The following PCDHA10 variants were observed in gnomAD, a reference collection of about 807,000 sequenced individuals.
The protein encoded by PCDHA10 is protocadherin alpha-10.
PCDHA10 carries 45 observed loss-of-function variants against 61.2 expected under a neutral mutation model. The observed-to-expected ratio is 0.74, with a 90% CI of 0.58 to 0.94. The LOEUF is 0.94. Ranked by LOEUF, PCDHA10 falls within the 40% of genes least tolerant of loss-of-function variation. The pLI, the probability that PCDHA10 is intolerant of heterozygous loss-of-function variation, is 0.00. For synonymous variants in PCDHA10, 602 were observed against 548.8 expected, an observed-to-expected ratio of 1.10 and a Z score of -1.35; for missense variants, 1,278 against 1,236.2, an observed-to-expected ratio of 1.03 and a Z score of -0.51.
chr5:140,915,606 C>A (rs2077190807), intron 1 of PCDHA10, among the ~76,000 whole-genome samples: 1 of 150,452 alleles, frequency 6.6e-6, no homozygotes, highest in African/African-American at 2.5e-5. Context: ...CCCTTACTTT[C>A]TGTCAAACAG....
chr5:140,977,442 T>C (rs746141638), intron 1 of PCDHA10, among the ~76,000 whole-genome samples: 1 of 152,186 alleles, frequency 6.6e-6, no homozygotes. Flanking sequence ...TAGTAGATAA[T>C]GGAAACTCCT....
intron 1 of PCDHA10, chr5:140,863,197 C>A: frequency 1.1e-6 from 1 of 888,970 alleles, no homozygotes; most frequent in Non-Finnish European, 1.8e-6. Flanking sequence ...GGTGGCGTCG[C>A]TGGCGGAGAG....
At chr5:140,992,457 A>G (rs2097512834) in intron 3 of PCDHA10, among the ~76,000 whole-genome samples, 1 of 152,136 alleles carries the variant, frequency 6.6e-6, no homozygotes, top group Non-Finnish European at 1.5e-5. Context: ...GCAGCAGAGG[A>G]CAGTACTCTT....
chr5:140,901,767 T>C (rs1341707404), intron 1 of PCDHA10, among the ~76,000 whole-genome samples: 5 of 152,252 alleles, frequency 3.3e-5, no homozygotes, highest in African/African-American at 1.2e-4. Flanking sequence ...AGGGATTGCA[T>C]TGAATTTGTA....
intron 3 of PCDHA10, among the ~76,000 whole-genome samples, chr5:140,988,287 C>A (rs2097291303): frequency 6.6e-6 from 1 of 152,240 alleles, no homozygotes; most frequent in Non-Finnish European, 1.5e-5. Context: ...TGCCATCTGA[C>A]AGCCCAGGAG....
intron 1 of PCDHA10, chr5:140,876,671 C>T (rs782473628): frequency 3.1e-6 from 5 of 1,614,212 alleles, no homozygotes; most frequent in Non-Finnish European, 2.5e-6. Flanking sequence ...CTGGTGTCCA[C>T]CTACAAGAAT....
chr5:140,996,701 A>G (rs782320896), intron 3 of PCDHA10, among the ~76,000 whole-genome samples: 2 of 152,130 alleles, frequency 1.3e-5, no homozygotes, highest in Non-Finnish European at 2.9e-5. Flanking sequence ...CTGAACCTCT[A>G]TCTCTTTGAT....
chr5:140,952,378 A>G (rs1282372403), intron 1 of PCDHA10, among the ~76,000 whole-genome samples: 1 of 151,376 alleles, frequency 6.6e-6, no homozygotes, highest in Non-Finnish European at 1.5e-5. Flanking sequence ...TTCCTCTGCC[A>G]GGTACCCTAA....
intron 1 of PCDHA10, chr5:140,862,416 C>A: frequency 2.8e-6 from 1 of 351,276 alleles, no homozygotes; most frequent in South Asian, 2.2e-5. Flanking sequence ...TCAAAAGGCG[C>A]TGCCCAGAAA....
chr5:140,890,788 T>C (rs892426818), intron 1 of PCDHA10, among the ~76,000 whole-genome samples: 1 of 152,222 alleles, frequency 6.6e-6, no homozygotes, highest in Non-Finnish European at 1.5e-5. Flanking sequence ...AAGATATTAG[T>C]ATTATTTTAT....
intron 1 of PCDHA10, chr5:140,930,058 C>T (rs1186770970): frequency 6.6e-6 from 1 of 152,172 alleles, no homozygotes; most frequent in Non-Finnish European, 1.5e-5. Context: ...TTTGCTTACA[C>T]AAAAACTGTA....
At chr5:140,859,400 G>T in intron 1 of PCDHA10, 1 of 258,574 alleles carries the variant, frequency 3.9e-6, no homozygotes, top group South Asian at 8.7e-5. Context: ...CTTAAACAGG[G>T]TTGGGTTAGA....
chr5:140,939,787 C>G (rs1486449192), intron 1 of PCDHA10, among the ~76,000 whole-genome samples: 2 of 152,180 alleles, frequency 1.3e-5, no homozygotes, highest in African/African-American at 2.4e-5. Flanking sequence ...TGGTCAATTT[C>G]TATAAATGTT....
chr5:140,948,281 T>C (rs1375756050), intron 1 of PCDHA10, among the ~76,000 whole-genome samples: 1 of 151,620 alleles, frequency 6.6e-6, no homozygotes, highest in Non-Finnish European at 1.5e-5. Context: ...TATCTGTAAA[T>C]AATTTTGTAA....
chr5:140,953,464 T>C (rs2094890309), intron 1 of PCDHA10, among the ~76,000 whole-genome samples: 1 of 152,142 alleles, frequency 6.6e-6, no homozygotes. Flanking sequence ...GTCAGAGTTT[T>C]AACTTCCTCA....
At chr5:140,944,818 T>G (rs1490682721) in intron 1 of PCDHA10, among the ~76,000 whole-genome samples, 1 of 152,236 alleles carries the variant, frequency 6.6e-6, no homozygotes, top group East Asian at 1.9e-4. Context: ...CAGTGATCTT[T>G]GCCCCATAAT....
chr5:140,902,637 C>T (rs1554190530), intron 1 of PCDHA10, among the ~76,000 whole-genome samples: 1 of 151,910 alleles, frequency 6.6e-6, no homozygotes, highest in Non-Finnish European at 1.5e-5. Context: ...GTGGTGATTT[C>T]TGAGATTTTG....
chr5:141,000,423 T>C (rs470406), intron 3 of PCDHA10, among the ~76,000 whole-genome samples: 6 of 66,864 alleles, frequency 9.0e-5, no homozygotes, highest in Non-Finnish European at 1.8e-4. Context: ...ATATATATAT[T>C]TTTTTTTTTT....
chr5:140,946,631 T>TATATATATATATATATATATATATACAC lies in PCDHA10; in HGVS notation c.2389-32317_2389-32316insTATATATATATATATATATATATACACA, dbSNP rs57893927. 8.3e-4 allele frequency among the ~76,000 whole-genome samples: 109 copies of TATATATATATATATATATATATATACAC among 131,802 alleles called. 1 individual carries two copies. The highest frequency in any genetic ancestry group is 3.6e-3 in the African/African-American group (102 of 28,672). 86.5% of individuals were successfully genotyped at this position (131,802 alleles called of 152,430 possible). A position where few individuals can be genotyped will look rare whatever the true frequency, so the allele number is the denominator to read the frequency against. On this transcript the variant is annotated intron_variant, in intron 1 of 3. Transcript: ENST00000307360. ...TGTGAAATATATATATATATATATA[T>TATATATATATATATATATATATATACAC]ACAATGGAATACTCATCAGCCATTA...
Sources: allele counts gnomAD v4.1 joint callset (sites outside exome capture counted in the v4.1 genomes callset), GRCh38; gene constraint gnomAD v4.1.1; transcripts MANE v1.5; gene names NCBI Gene and HGNC (gene_info 2026-07-23, HGNC 2026-07-21).